Variants in CMTM8 observed in about 807,000 individuals in gnomAD.
The protein encoded by CMTM8 is CKLF like MARVEL transmembrane domain containing 8.
In CMTM8, 12 loss-of-function variants were observed where a neutral mutation model predicts 18.6. The observed-to-expected ratio is 0.65, with a 90% CI of 0.41 to 1.05. The LOEUF (loss-of-function observed/expected upper bound fraction) is 1.05, where lower values mean the gene tolerates loss of function less well. Ranked by LOEUF, CMTM8 falls within the 50% of genes least tolerant of loss-of-function variation. The probability of loss-of-function intolerance (pLI) is 0.00; values close to 1 mark genes in which losing one functional copy is unlikely to be tolerated. For missense variants in CMTM8, 217 were observed against 227.2 expected (o/e 0.95, Z 0.29); for synonymous variants, 87 against 90.6 (o/e 0.96, Z 0.23).
chr3:32,255,540 C>T (rs901063331), intron 1 of CMTM8, among the ~76,000 whole-genome samples: 12 of 152,032 alleles, frequency 7.9e-5, no homozygotes, highest in Admixed American at 7.9e-4. Context: ...CACGTACTTT[C>T]TTGATTTTTC....
intron 3 of CMTM8, among the ~76,000 whole-genome samples, chr3:32,369,006 ATC>A (rs1316367771): frequency 2.0e-5 from 3 of 152,096 alleles, no homozygotes; most frequent in Non-Finnish European, 4.4e-5. Flanking sequence ...CTGTTTGAAG[ATC>A]TCTATTTAAA....
At chr3:32,364,604 AG>A (rs1696995580) in intron 2 of CMTM8, among the ~76,000 whole-genome samples, 1 of 152,244 alleles carries the variant, frequency 6.6e-6, no homozygotes, top group African/African-American at 2.4e-5. Context: ...TGCTAAGAAG[AG>A]AGGCAGGTGA....
chr3:32,330,197 A>ATT (rs57467295), intron 1 of CMTM8, among the ~76,000 whole-genome samples: 200 of 125,142 alleles, frequency 1.6e-3, no homozygotes, highest in South Asian at 4.3e-3. Context: ...TCCCAGTGGC[A>ATT]TTTTTTTTTT....
chr3:32,269,027 A>G lies in CMTM8; in HGVS notation c.147+29908A>G, dbSNP rs553712976. Among the ~76,000 whole-genome samples, 53 of 152,374 alleles carry G rather than the reference A, an allele frequency of 3.5e-4. No homozygotes were observed. In the East Asian group the frequency reaches 8.9e-3, roughly 25 times the overall value. On this transcript the variant is annotated intron_variant, in intron 1 of 3. Coordinates refer to ENST00000307526, the MANE Select transcript of CMTM8 (RefSeq NM_178868.5). Reference sequence around the variant, plus strand: ...TTAAAGGATGCAACAAGAAATCTACATCAATCAATAATTGAAAAGCATCAA... The same window carrying G: ...TTAAAGGATGCAACAAGAAATCTACGTCAATCAATAATTGAAAAGCATCAA...
intron 1 of CMTM8, among the ~76,000 whole-genome samples, chr3:32,349,705 G>A (rs541285216): frequency 6.6e-6 from 1 of 152,180 alleles, no homozygotes; most frequent in East Asian, 1.9e-4. Context: ...CAGCACTCCA[G>A]ATCAATAATT....
chr3:32,364,392 T>G (rs556804185), intron 2 of CMTM8, among the ~76,000 whole-genome samples: 1 of 152,120 alleles, frequency 6.6e-6, no homozygotes, highest in Non-Finnish European at 1.5e-5. Flanking sequence ...TAGTCCCAGC[T>G]ACTCAGGAGG....
chr3:32,261,614 G>A (rs1032533835), intron 1 of CMTM8, among the ~76,000 whole-genome samples: 1 of 152,162 alleles, frequency 6.6e-6, no homozygotes, highest in African/African-American at 2.4e-5. Context: ...CCTTAGATGA[G>A]CACTCTACCA....
chr3:32,270,825 T>A (rs947450266), intron 1 of CMTM8, among the ~76,000 whole-genome samples: 15 of 151,790 alleles, frequency 9.9e-5, no homozygotes, highest in Admixed American at 5.2e-4. Context: ...CATATGTAAC[T>A]AACCTGCACG....
chr3:32,253,344 CTTT>C (rs151296321), intron 1 of CMTM8, among the ~76,000 whole-genome samples: 2 of 132,152 alleles, frequency 1.5e-5, no homozygotes, highest in Non-Finnish European at 3.2e-5. Flanking sequence ...GTCCCTTTAT[CTTT>C]TTTTTTTTTT....
intron 1 of CMTM8, among the ~76,000 whole-genome samples, chr3:32,240,788 T>G (rs1488149763): frequency 6.6e-6 from 1 of 152,046 alleles, no homozygotes; most frequent in African/African-American, 2.4e-5. Context: ...ACCTTTTTTG[T>G]TTGTTTTGTT....
At chr3:32,266,819 C>CAGAG (rs1702353465) in intron 1 of CMTM8, among the ~76,000 whole-genome samples, 3 of 151,130 alleles carry the variant, frequency 2.0e-5, no homozygotes, top group Admixed American at 6.6e-5. Flanking sequence ...AACAGACAAA[C>CAGAG]AGCCAAATCA....
In CMTM8 at chr3:32,240,261, C is replaced by A. The variant is rs191791937; in HGVS notation, c.147+1142C>A. Among the ~76,000 whole-genome samples the A allele has an allele frequency of 2.6e-5, 4 of 152,274 alleles. No individual in the cohort carries two copies. The East Asian group carries it at 5.8e-4, about 22-fold the overall frequency. On this transcript the variant is annotated intron_variant, in intron 1 of 3. Coordinates refer to ENST00000307526, the MANE Select transcript of CMTM8 (RefSeq NM_178868.5). Reference sequence around the variant, plus strand: ...ACCACCCGGACCTGCTCTATGAAGCCCCTGGTGGTCATAATGCACATAAGG... The same window carrying A: ...ACCACCCGGACCTGCTCTATGAAGCACCTGGTGGTCATAATGCACATAAGG...
chr3:32,323,845 C>A (rs1696106649), intron 1 of CMTM8, among the ~76,000 whole-genome samples: 1 of 152,180 alleles, frequency 6.6e-6, no homozygotes, highest in Non-Finnish European at 1.5e-5. Flanking sequence ...TCAACACTAT[C>A]AAGTTGTTGC....
At position 32,368,754 on chromosome 3, in the gene CMTM8, G is replaced by A. The variant is rs147473052; in HGVS notation, c.438+766G>A. ...TGGAATTACAGGCATGAGCCACTGC[G>A]CCTGACCTTACTTTTTAATTTATAT... On this transcript the variant is annotated intron_variant, in intron 3 of 3. Coordinates refer to ENST00000307526, the MANE Select transcript of CMTM8 (RefSeq NM_178868.5). Among the ~76,000 whole-genome samples the A allele has an allele frequency of 1.0e-3, 153 of 152,124 alleles. 1 individual carries two copies. Among genetic ancestry groups the A allele is most frequent in the African/African-American group, 3.1e-3 (127 of 41,474 alleles).
At chr3:32,281,743 G>A (rs568631808) in intron 1 of CMTM8, among the ~76,000 whole-genome samples, 28 of 152,274 alleles carry the variant, frequency 1.8e-4, no homozygotes, top group African/African-American at 5.5e-4. Context: ...CACCAGTGAC[G>A]TCTGTTTTGC....
At chr3:32,241,494 T>TG (rs760170661) in intron 1 of CMTM8, among the ~76,000 whole-genome samples, 12 of 152,234 alleles carry the variant, frequency 7.9e-5, no homozygotes, top group Non-Finnish European at 1.5e-4. Flanking sequence ...CAGCCACCCA[T>TG]GCCATCACCA....
intron 1 of CMTM8, among the ~76,000 whole-genome samples, chr3:32,354,381 C>T (rs1575092821): frequency 6.6e-6 from 1 of 152,088 alleles, no homozygotes; most frequent in African/African-American, 2.4e-5. Flanking sequence ...CTTTTCTTGA[C>T]AGAGACATTC....
intron 1 of CMTM8, among the ~76,000 whole-genome samples, chr3:32,273,557 CATT>C (rs1308608498): frequency 2.0e-5 from 3 of 152,062 alleles, no homozygotes; most frequent in African/African-American, 7.3e-5. Flanking sequence ...CCCTTGAAAA[CATT>C]ATGCTAAGTG....
At chr3:32,300,748 C>G (rs181355310) in intron 1 of CMTM8, among the ~76,000 whole-genome samples, 1 of 151,978 alleles carries the variant, frequency 6.6e-6, no homozygotes, top group Non-Finnish European at 1.5e-5. Context: ...CACCTGAGGT[C>G]GGGAGTTCAA....
Sources: allele counts gnomAD v4.1 joint callset (sites outside exome capture counted in the v4.1 genomes callset), GRCh38; gene constraint gnomAD v4.1.1; transcripts MANE v1.5; gene names NCBI Gene and HGNC (gene_info 2026-07-23, HGNC 2026-07-21).